The following POTEC variants were observed in gnomAD, a reference collection of about 807,000 sequenced individuals.
POTEC encodes the protein POTE ankyrin domain family member C.
Under a neutral mutation model 62.0 loss-of-function variants are expected in POTEC, and 35 were observed. The ratio of observed to expected loss-of-function variants is 0.56; its 90% confidence interval spans 0.43 to 0.75. POTEC has a LOEUF of 0.75. Ranked by LOEUF, POTEC falls within the 30% of genes least tolerant of loss-of-function variation. POTEC has a pLI of 0.00. For missense variants in POTEC, 472 were observed against 655.9 expected (o/e 0.72, Z 3.06); for synonymous variants, 156 against 221.5 (o/e 0.70, Z 2.62).
chr18:14,540,147 A>G, intron 1 of POTEC, among the ~76,000 whole-genome samples: 1 of 152,256 alleles, frequency 6.6e-6, no homozygotes, highest in South Asian at 2.1e-4. Context: ...ATAATTATAT[A>G]ATAAAATGTA....
chr18:14,538,770 G>A (rs1365862819), intron 1 of POTEC, among the ~76,000 whole-genome samples: 6 of 152,210 alleles, frequency 3.9e-5, no homozygotes, highest in East Asian at 1.9e-4. Context: ...TACAGGTAGC[G>A]CTGTACTGTA....
At chr18:14,527,378 T>G (rs912753733) in intron 6 of POTEC, among the ~76,000 whole-genome samples, 1 of 152,066 alleles carries the variant, frequency 6.6e-6, no homozygotes. Flanking sequence ...CAGAAAATGA[T>G]TTTTTAGAAG....
intron 3 of POTEC, among the ~76,000 whole-genome samples, chr18:14,535,291 T>C (rs1163483583): frequency 6.7e-6 from 1 of 149,174 alleles, no homozygotes; most frequent in East Asian, 2.0e-4. Context: ...TTGGATGATT[T>C]TTTTTTTCAT....
At chr18:14,527,074 T>C (rs1271517012) in intron 6 of POTEC, among the ~76,000 whole-genome samples, 1 of 152,156 alleles carries the variant, frequency 6.6e-6, no homozygotes, top group Non-Finnish European at 1.5e-5. Context: ...ATATAACTAA[T>C]AGTTGTGAAT....
At chr18:14,525,064 A>C (rs1910402679) in intron 6 of POTEC, 81 bp from the exon 7 acceptor site, 1 of 1,550,320 alleles carries the variant, frequency 6.5e-7, no homozygotes, top group South Asian at 1.2e-5. Context: ...AACAGATTGA[A>C]GACAGCATTT....
At chr18:14,540,705 T>A in intron 1 of POTEC, among the ~76,000 whole-genome samples, 1 of 152,176 alleles carries the variant, frequency 6.6e-6, no homozygotes, top group Non-Finnish European at 1.5e-5. Flanking sequence ...TATTTCAGTA[T>A]AATGGAATAG....
chr18:14,526,681 G>A (rs1208466333), intron 6 of POTEC, among the ~76,000 whole-genome samples: 1 of 152,072 alleles, frequency 6.6e-6, no homozygotes, highest in East Asian at 1.9e-4. Context: ...AGTGAGTAGG[G>A]CATTAAGAGC....
intron 6 of POTEC, among the ~76,000 whole-genome samples, chr18:14,529,953 C>T (rs1336163025): frequency 1.3e-5 from 2 of 151,996 alleles, no homozygotes; most frequent in East Asian, 1.9e-4. Context: ...AGGTCACAGA[C>T]TGGTACCACT....
intron 6 of POTEC, among the ~76,000 whole-genome samples, chr18:14,529,268 G>C (rs1052651114): frequency 6.6e-6 from 1 of 152,010 alleles, no homozygotes; most frequent in African/African-American, 2.4e-5. Flanking sequence ...TTTTAATTGT[G>C]TGTGTTCTGT....
intron 9 of POTEC, among the ~76,000 whole-genome samples, chr18:14,518,056 C>T (rs1344833422): frequency 3.3e-5 from 5 of 151,936 alleles, no homozygotes; most frequent in African/African-American, 4.8e-5. Context: ...ACATAATTAC[C>T]GGGCAAAACT....
At chr18:14,524,192 A>G in intron 7 of POTEC, among the ~76,000 whole-genome samples, 1 of 152,142 alleles carries the variant, frequency 6.6e-6, no homozygotes, top group African/African-American at 2.4e-5. Context: ...GATTTTCTGC[A>G]ACTAAAATAA....
intron 3 of POTEC, among the ~76,000 whole-genome samples, chr18:14,536,036 G>A (rs1382569619): frequency 1.3e-5 from 2 of 151,548 alleles, no homozygotes; most frequent in African/African-American, 2.4e-5. Flanking sequence ...GGGAGCCTGA[G>A]GTGGGTGATT....
In POTEC at chr18:14,542,625, C is replaced by T; in HGVS notation, c.521+1G>A. ...CCTCCTCCCATCCCAGGCCCAGTTA[C>T]CTCTTTTGCTTGTCCCTCTTGTTCA... On this transcript the variant is annotated splice_donor_variant, in intron 1 of 10. Coordinates refer to ENST00000358970, the MANE Select transcript of POTEC (RefSeq NM_001137671.2). LOFTEE classifies it high-confidence loss of function. 2 of 1,612,364 alleles carry T rather than the reference C, an allele frequency of 1.2e-6. No homozygotes were observed. The highest frequency in any genetic ancestry group is 1.3e-5 in the African/African-American group (1 of 74,930).
chr18:14,526,882 C>A lies in POTEC; in HGVS notation c.1127-1899G>T, dbSNP rs45444893. On this transcript the variant is annotated intron_variant, in intron 6 of 10. Transcript: ENST00000358970. Reference sequence around the variant, plus strand: ...TGCCAAAACCAATATTCCTAGTGAGCCATTATTCATTAAGACAAGGTGACA... The same window carrying A: ...TGCCAAAACCAATATTCCTAGTGAGACATTATTCATTAAGACAAGGTGACA... 1.2e-4 allele frequency among the ~76,000 whole-genome samples: 19 copies of A among 152,058 alleles called. No homozygotes were observed. In the East Asian group the frequency reaches 2.9e-3, roughly 23 times the overall value.
chr18:14,530,384 C>G, intron 6 of POTEC, 99 bp downstream of exon 6: 3 of 1,570,848 alleles, frequency 1.9e-6, no homozygotes, highest in Non-Finnish European at 2.6e-6. Flanking sequence ...CCCCACCTTC[C>G]CCCAGCCCAT....
At position 14,542,686 on chromosome 18, in the gene POTEC, C is replaced by T; in HGVS notation, c.461G>A (p.Arg154Lys). Residue 154 changes from arginine (R) to lysine (K), a missense_variant, in exon 1 of 11, where the codon AGA (arginine) becomes AAA (lysine). Around this residue, in one of 5 missense-constraint regions of POTEC, gnomAD observed 257 missense variants for 250.7 expected, o/e 1.03. Transcript: ENST00000358970. ...CCTGAGCATGACGATGAGATCCTTTCTGGGGACCTTACCCCACCAGGCAGC... is the reference window on the plus strand; with the variant it reads ...CCTGAGCATGACGATGAGATCCTTTTTGGGGACCTTACCCCACCAGGCAGC... Reference protein sequence around the residue: ...HRAAWWGKVPRKDLIVMLRDT... With the variant: ...HRAAWWGKVPKKDLIVMLRDT... 1 of 1,613,108 alleles carries T rather than the reference C, an allele frequency of 6.2e-7. No individual in the cohort carries two copies. Among genetic ancestry groups the T allele is most frequent in the Non-Finnish European group, 8.5e-7 (1 of 1,179,938 alleles).
intron 9 of POTEC, among the ~76,000 whole-genome samples, chr18:14,514,915 C>T (rs895688736): frequency 3.2e-4 from 49 of 152,186 alleles, no homozygotes; most frequent in Middle Eastern, 3.4e-3. Context: ...CCAACTACAA[C>T]CAAGCTGAGA....
At chr18:14,525,728 T>C (rs1325970696) in intron 6 of POTEC, among the ~76,000 whole-genome samples, 2 of 151,392 alleles carry the variant, frequency 1.3e-5, no homozygotes, top group Non-Finnish European at 2.9e-5. Context: ...TGCACCTAAA[T>C]ACAATCCTCT....
intron 9 of POTEC, among the ~76,000 whole-genome samples, chr18:14,517,549 A>AT (rs753938887): frequency 2.5e-4 from 13 of 51,164 alleles, no homozygotes; most frequent in Non-Finnish European, 3.2e-4. Flanking sequence ...TGCCACCCTA[A>AT]TTTTTTTTTT....
Sources: gnomAD v4.1 joint callset for allele counts (sites outside exome capture counted in the v4.1 genomes callset) on GRCh38, gnomAD v4.1.1 for gene constraint, gnomAD v4.1.1 regional missense constraint, MANE v1.5 for transcripts, NCBI Gene and HGNC (gene_info 2026-07-23, HGNC 2026-07-21) for gene names.